The following NTRK3 variants were observed in gnomAD, a reference collection of about 807,000 sequenced individuals.
NTRK3 encodes the protein NT-3 growth factor receptor.
A neutral mutation model predicts 91.7 loss-of-function variants in NTRK3; 24 were observed. The ratio of observed to expected loss-of-function variants is 0.26; its 90% CI spans 0.19 to 0.37. The LOEUF is 0.37. Among genes scored for constraint, NTRK3 ranks in the 10% least tolerant of loss-of-function variants. The probability of loss-of-function intolerance (pLI) is 1.00; values close to 1 mark genes in which losing one functional copy is unlikely to be tolerated. For synonymous variants in NTRK3, 483 were observed against 404.0 expected, an observed-to-expected ratio of 1.20 and a Z score of -2.34; for missense variants, 880 against 1,068.9, an observed-to-expected ratio of 0.82 and a Z score of 2.46.
intron 3 of NTRK3, among the ~76,000 whole-genome samples, chr15:88,226,868 C>A (rs539134874): frequency 2.6e-5 from 4 of 152,328 alleles, no homozygotes; most frequent in Non-Finnish European, 5.9e-5. Flanking sequence ...GGGGTGATAG[C>A]CCCATTTTAC....
chr15:87,953,606 G>A (rs564915897), intron 14 of NTRK3, among the ~76,000 whole-genome samples: 45 of 152,220 alleles, frequency 3.0e-4, no homozygotes, highest in African/African-American at 9.6e-4. Flanking sequence ...ACCTCTTATT[G>A]ATAGGCCTGG....
chr15:88,041,406 G>A (rs998918259), intron 13 of NTRK3, among the ~76,000 whole-genome samples: 2 of 152,158 alleles, frequency 1.3e-5, no homozygotes, highest in Non-Finnish European at 2.9e-5. Flanking sequence ...AGTATATCTA[G>A]GCACTCACTA....
intron 13 of NTRK3, among the ~76,000 whole-genome samples, chr15:88,036,744 T>C (rs540895429): frequency 2.6e-5 from 4 of 152,272 alleles, no homozygotes; most frequent in East Asian, 1.9e-4. Context: ...TTTATTAGAA[T>C]TGTAGACCAC....
chr15:88,192,144 G>C (rs150000281), intron 3 of NTRK3, among the ~76,000 whole-genome samples: 1 of 152,230 alleles, frequency 6.6e-6, no homozygotes, highest in East Asian at 1.9e-4. Flanking sequence ...AAAGTATTGT[G>C]CCAGGAATGA....
intron 17 of NTRK3, 123 bp from the exon 18 acceptor site, chr15:87,885,858 T>G: frequency 4.9e-6 from 2 of 408,470 alleles, no homozygotes. Context: ...AAGAATAAGA[T>G]TTAGAGATAC....
Position 88,040,601 on chromosome 15 carries a change from T to A in NTRK3, c.1397-7556A>T, listed in dbSNP as rs1188701867. On this transcript the variant is annotated intron_variant, in intron 13 of 18. Coordinates refer to ENST00000394480, the Ensembl canonical transcript of NTRK3. Reference sequence around the variant, plus strand: ...TGTTGGCTCTAAAACTCCTTTCTCTTCCAGCAACTCTATGACTTACAGATC... The same window carrying A: ...TGTTGGCTCTAAAACTCCTTTCTCTACCAGCAACTCTATGACTTACAGATC... 2.6e-5 allele frequency among the ~76,000 whole-genome samples: 4 copies of A among 152,216 alleles called. No homozygotes were observed. The South Asian group carries it at 8.3e-4, about 32-fold the overall frequency.
At chr15:88,056,212 T>A (rs1029332819) in intron 13 of NTRK3, among the ~76,000 whole-genome samples, 15 of 125,048 alleles carry the variant, frequency 1.2e-4, no homozygotes, top group Middle Eastern at 4.7e-3. Flanking sequence ...ATTTTTTTTT[T>A]AATGTAGAAC....
chr15:87,912,030 C>T (rs551993660), intron 17 of NTRK3, among the ~76,000 whole-genome samples: 1 of 152,316 alleles, frequency 6.6e-6, no homozygotes, highest in South Asian at 2.1e-4. Flanking sequence ...AGCACCACCT[C>T]CCTTGCTTCT....
intron 17 of NTRK3, among the ~76,000 whole-genome samples, chr15:87,926,459 G>T (rs1489795863): frequency 1.3e-5 from 2 of 152,128 alleles, no homozygotes; most frequent in African/African-American, 4.8e-5. Context: ...AGCTGGCCTT[G>T]GCTAACATCG....
Position 87,932,997 on chromosome 15 carries a change from A to C in NTRK3, c.1889+15T>G. On this transcript the variant is annotated intron_variant, in intron 16 of 18. Coordinates refer to ENST00000394480, the Ensembl canonical transcript of NTRK3. ...GGACTGGGGTCAGGTGCAGGGGAAG[A>C]CAATCCTTGCTTACCTGAGGAACTT... 3 of 1,613,790 alleles carry C rather than the reference A, an allele frequency of 1.9e-6. No individual in the cohort carries two copies. Among genetic ancestry groups the C allele is most frequent in the Non-Finnish European group, 2.5e-6 (3 of 1,179,950 alleles).
At chr15:88,046,837 G>A (rs181564627) in intron 13 of NTRK3, among the ~76,000 whole-genome samples, 26 of 152,326 alleles carry the variant, frequency 1.7e-4, no homozygotes, top group Admixed American at 1.7e-3. Flanking sequence ...CAGCGCTGCA[G>A]CAGGAATGGC....
intron 14 of NTRK3, among the ~76,000 whole-genome samples, chr15:87,941,325 C>A (rs1269465764): frequency 6.6e-6 from 1 of 152,190 alleles, no homozygotes; most frequent in Non-Finnish European, 1.5e-5. Flanking sequence ...ACTTCCTCAT[C>A]TGTAAAATGG....
rs143705833 is a variant in NTRK3 at position 88,232,930 on chromosome 15, T to A, written c.248+22976A>T. 3.1e-4 allele frequency among the ~76,000 whole-genome samples: 47 copies of A among 152,310 alleles called. No individual in the cohort carries two copies. In the East Asian group the frequency reaches 8.3e-3, roughly 27 times the overall value. On this transcript the variant is annotated intron_variant, in intron 3 of 18. Coordinates refer to ENST00000394480, the Ensembl canonical transcript of NTRK3. ...GCCTACAGCTTCCGTCTTGAGGGTC[T>A]TGGGCCCACTCATGGGCTGTATCCA...
chr15:88,227,242 T>A (rs1341011782), intron 3 of NTRK3, among the ~76,000 whole-genome samples: 1 of 152,116 alleles, frequency 6.6e-6, no homozygotes, highest in Admixed American at 6.5e-5. Flanking sequence ...ACATTTCCCT[T>A]AAAAAGCTGC....
chr15:88,051,421 A>G lies in NTRK3; in HGVS notation c.1397-18376T>C, dbSNP rs189066829. On this transcript the variant is annotated intron_variant, in intron 13 of 18. Transcript: ENST00000394480. ...GCTAGTGATTCTCTGCAACCCAAGA[A>G]TAAGGCTTAACAGGGAAGGAAGTTG... 2.0e-3 allele frequency among the ~76,000 whole-genome samples: 307 copies of G among 152,348 alleles called. 2 individuals carry two copies. Among genetic ancestry groups the G allele is most frequent in the African/African-American group, 7.1e-3 (297 of 41,580 alleles).
intron 10 of NTRK3, among the ~76,000 whole-genome samples, chr15:88,133,761 C>A (rs969375129): frequency 1.3e-5 from 2 of 152,142 alleles, no homozygotes; most frequent in Non-Finnish European, 2.9e-5. Context: ...GTCATGGGGG[C>A]TTTTACTGAG....
intron 5 of NTRK3, among the ~76,000 whole-genome samples, chr15:88,166,801 C>T (rs779775232): frequency 4.3e-4 from 65 of 152,178 alleles, no homozygotes; most frequent in Admixed American, 2.6e-3. Context: ...GAGCACGTTA[C>T]ATAACCTCTC....
chr15:88,110,259 T>C (rs1182269299), intron 13 of NTRK3, among the ~76,000 whole-genome samples: 1 of 152,076 alleles, frequency 6.6e-6, no homozygotes, highest in Non-Finnish European at 1.5e-5. Flanking sequence ...GAAGATCAGG[T>C]AAACATGGAG....
At chr15:88,081,031 A>T (rs2047995150) in intron 13 of NTRK3, among the ~76,000 whole-genome samples, 2 of 152,218 alleles carry the variant, frequency 1.3e-5, no homozygotes, top group South Asian at 4.1e-4. Flanking sequence ...GGCTGGGATG[A>T]ATTAGCTGGA....
Sources: gnomAD v4.1 joint callset for allele counts (sites outside exome capture counted in the v4.1 genomes callset) on GRCh38, gnomAD v4.1.1 for gene constraint, MANE v1.5 for transcripts, NCBI Gene and HGNC (gene_info 2026-07-23, HGNC 2026-07-21) for gene names.